SYN3: variants seen among roughly 807,000 people sequenced by gnomAD.
SYN3 encodes the protein synapsin-3.
SYN3 carries 35 observed loss-of-function variants against 65.8 expected under a neutral mutation model. The ratio of observed to expected loss-of-function variants is 0.53; its 90% CI spans 0.41 to 0.70. SYN3 has a LOEUF of 0.70. Ranked by LOEUF, SYN3 falls within the 30% of genes least tolerant of loss-of-function variation. SYN3 has a pLI of 0.00. For synonymous variants in SYN3, 270 were observed against 292.9 expected (o/e 0.92, Z 0.80); for missense variants, 680 against 749.0 (o/e 0.91, Z 1.08).
intron 6 of SYN3, among the ~76,000 whole-genome samples, chr22:32,720,128 C>G (rs1379580948): frequency 6.6e-6 from 1 of 152,200 alleles, no homozygotes; most frequent in Non-Finnish European, 1.5e-5. Flanking sequence ...AATGGTAGTA[C>G]CGGCCCCATG....
chr22:32,813,502 C>G (rs888117700), intron 6 of SYN3, among the ~76,000 whole-genome samples: 3 of 148,962 alleles, frequency 2.0e-5, no homozygotes, highest in Non-Finnish European at 4.4e-5. Context: ...CACACACACA[C>G]ACACACACAC....
chr22:32,948,726 G>C (rs1003289038), intron 3 of SYN3, among the ~76,000 whole-genome samples: 3 of 83,980 alleles, frequency 3.6e-5, no homozygotes, highest in African/African-American at 9.0e-5. Context: ...GACAGAGTGA[G>C]ACTCCGTCTC....
At chr22:32,931,595 A>G in intron 3 of SYN3, 114 bp from the exon 4 acceptor site, 1 of 687,404 alleles carries the variant, frequency 1.5e-6, no homozygotes, top group East Asian at 2.7e-5. Context: ...CTCCCCTCAA[A>G]CTTAGGAAGT....
intron 2 of SYN3, among the ~76,000 whole-genome samples, chr22:32,992,563 A>G (rs1184362085): frequency 6.6e-6 from 1 of 152,178 alleles, no homozygotes; most frequent in Non-Finnish European, 1.5e-5. Context: ...CTGTAATCCC[A>G]GCACTTTGGG....
intron 4 of SYN3, among the ~76,000 whole-genome samples, chr22:32,915,205 G>A (rs561691213): frequency 6.6e-6 from 1 of 152,190 alleles, no homozygotes; most frequent in East Asian, 1.9e-4. Flanking sequence ...AAACCACCAT[G>A]GCACATGTAT....
chr22:32,637,749 T>C (rs1006247923), intron 6 of SYN3, among the ~76,000 whole-genome samples: 1 of 147,704 alleles, frequency 6.8e-6, no homozygotes, highest in African/African-American at 2.5e-5. Flanking sequence ...GCGACTCTCC[T>C]GCCTCAGCCT....
chr22:32,609,878 C>A (rs1173992694), intron 6 of SYN3, among the ~76,000 whole-genome samples: 1 of 152,054 alleles, frequency 6.6e-6, no homozygotes, highest in Non-Finnish European at 1.5e-5. Flanking sequence ...AGAGATGGTG[C>A]CCGAATTTTT....
At chr22:32,579,942 G>A (rs1052153231) in intron 7 of SYN3, among the ~76,000 whole-genome samples, 10 of 152,232 alleles carry the variant, frequency 6.6e-5, no homozygotes, top group Non-Finnish European at 1.5e-4. Context: ...CAGTGTGACC[G>A]TGAAATTGAA....
intron 6 of SYN3, among the ~76,000 whole-genome samples, chr22:32,691,623 G>A (rs1416556513): frequency 6.6e-6 from 1 of 152,078 alleles, no homozygotes; most frequent in Non-Finnish European, 1.5e-5. Flanking sequence ...TTTGCAGGGG[G>A]TACTCCAGAT....
At chr22:32,941,586 TG>T (rs2050940190) in intron 3 of SYN3, among the ~76,000 whole-genome samples, 1 of 150,700 alleles carries the variant, frequency 6.6e-6, no homozygotes, top group East Asian at 1.9e-4. Context: ...CACTGGGGTG[TG>T]TCGGACAGTG....
intron 4 of SYN3, among the ~76,000 whole-genome samples, chr22:32,884,964 C>T (rs1448735206): frequency 2.0e-5 from 3 of 151,998 alleles, no homozygotes; most frequent in Non-Finnish European, 4.4e-5. Context: ...GTGGCTCGAC[C>T]GTAATTTATT....
At chr22:32,787,965 A>C (rs779516279) in intron 6 of SYN3, among the ~76,000 whole-genome samples, 11 of 152,214 alleles carry the variant, frequency 7.2e-5, no homozygotes, top group Non-Finnish European at 1.3e-4. Flanking sequence ...AGGTCAGTGT[A>C]GTGTAAACAC....
chr22:32,972,850 A>C (rs893320731), intron 3 of SYN3, among the ~76,000 whole-genome samples: 17 of 151,934 alleles, frequency 1.1e-4, no homozygotes, highest in African/African-American at 4.1e-4. Flanking sequence ...CAAAGAAGAA[A>C]AAAAAAAAGC....
At chr22:32,668,693 A>G (rs1330830172) in intron 6 of SYN3, among the ~76,000 whole-genome samples, 2 of 152,184 alleles carry the variant, frequency 1.3e-5, no homozygotes, top group East Asian at 1.9e-4. Context: ...CCCAAATGTA[A>G]TGCATGCTAC....
chr22:32,697,898 T>G (rs1035804356), intron 6 of SYN3, among the ~76,000 whole-genome samples: 1 of 152,162 alleles, frequency 6.6e-6, no homozygotes, highest in Non-Finnish European at 1.5e-5. Context: ...GCCATCAGCA[T>G]GAGAGCATGC....
chr22:32,764,706 G>T (rs1212820315), intron 6 of SYN3, among the ~76,000 whole-genome samples: 1 of 152,126 alleles, frequency 6.6e-6, no homozygotes, highest in Non-Finnish European at 1.5e-5. Flanking sequence ...TATGGAATTA[G>T]GGGCATTTAA....
intron 6 of SYN3, among the ~76,000 whole-genome samples, chr22:32,670,441 G>C (rs2060344833): frequency 6.6e-6 from 1 of 152,184 alleles, no homozygotes; most frequent in Admixed American, 6.5e-5. Flanking sequence ...AACAGAGAGA[G>C]GACTAAACAT....
chr22:32,544,029 C>A (rs578099514), intron 7 of SYN3, among the ~76,000 whole-genome samples: 2 of 152,288 alleles, frequency 1.3e-5, no homozygotes, highest in Non-Finnish European at 2.9e-5. Context: ...GCCTTGACTT[C>A]CTGAGCTCAA....
At chr22:32,946,459 G>T (rs893933153) in intron 3 of SYN3, among the ~76,000 whole-genome samples, 1 of 150,710 alleles carries the variant, frequency 6.6e-6, no homozygotes, top group Admixed American at 6.7e-5. Flanking sequence ...ACCAAACACC[G>T]CATGTTCTCA....
Sources: gnomAD v4.1 joint callset for allele counts (sites outside exome capture counted in the v4.1 genomes callset) on GRCh38, gnomAD v4.1.1 for gene constraint, MANE v1.5 for transcripts, NCBI Gene and HGNC (gene_info 2026-07-23, HGNC 2026-07-21) for gene names.